The following NCOR1 variants were observed in gnomAD, a reference collection of about 807,000 sequenced individuals.
The protein encoded by NCOR1 is protein phosphatase 1, regulatory subunit 109.
In NCOR1, 63 loss-of-function variants were observed where a neutral mutation model predicts 288.1. The ratio of observed to expected loss-of-function variants is 0.22; its 90% CI spans 0.18 to 0.27. The LOEUF is 0.27. NCOR1 is among the 10% of genes least tolerant of loss of function. The probability of loss-of-function intolerance (pLI) is 1.00; values close to 1 mark genes in which losing one functional copy is unlikely to be tolerated. For synonymous variants in NCOR1, 1,007 were observed against 1,065.9 expected (o/e 0.94, Z 1.08); for missense variants, 2,397 against 3,019.2 (o/e 0.79, Z 4.83).
At position 16,049,213 on chromosome 17, in the gene NCOR1, G is replaced by A. The variant is rs187444132; in HGVS notation, c.6393-225C>T. 4.3e-3 allele frequency: 1,416 copies of A among 327,426 alleles called. 8 individuals are homozygous for A. The highest frequency in any genetic ancestry group is 6.8e-3 in the Middle Eastern group (8 of 1,176). The allele number at this position is 327,426 out of a possible 1,614,324, so 20.3% of individuals were successfully genotyped here. A position where few individuals can be genotyped will look rare whatever the true frequency, so the allele number is the denominator to read the frequency against. ...CTGCCACTTGACCCATGCGCGCCCC[G>A]TGGATCCAGGAGTCACGTCATCAGA... On this transcript the variant is annotated intron_variant, in intron 40 of 45. Coordinates refer to ENST00000268712, the MANE Select transcript of NCOR1 (RefSeq NM_006311.4).
chr17:16,149,500 T>G lies in NCOR1; in HGVS notation c.860A>C (p.Lys287Thr). 6.4e-7 allele frequency: 1 copy of G among 1,551,322 alleles called. No homozygotes were observed. Among genetic ancestry groups the G allele is most frequent in the South Asian group, 1.2e-5 (1 of 85,622 alleles). The change falls in exon 9 of 46, where the codon AAA becomes ACA. Residue 287 changes from lysine to threonine, a missense_variant. Coordinates refer to ENST00000268712, the MANE Select transcript of NCOR1 (RefSeq NM_006311.4). ...ENIKTNQVMR[K>T]KLILFFKRRN... ...TCTTTTAAAAAATAAAATGAGTTTT[T>G]TCCTCATCACCTGGTTTCTAGAAGA...
intron 4 of NCOR1, among the ~76,000 whole-genome samples, chr17:16,168,796 C>A (rs370576270): frequency 1.2e-3 from 177 of 151,922 alleles, no homozygotes; most frequent in Middle Eastern, 3.4e-3. Context: ...CATGGTGAAA[C>A]CTCGTCTCCA....
At position 16,032,428 on chromosome 17, in the gene NCOR1, T is replaced by C. The variant is rs1972211564; in HGVS notation, c.7191A>G (p.Pro2397=). 6.2e-7 allele frequency: 1 copy of C among 1,613,808 alleles called. No homozygotes were observed. The highest frequency in any genetic ancestry group is 1.3e-5 in the African/African-American group (1 of 74,912). ...PLTMRMLSST[P]PTPIACAPSA... Reference sequence around the variant, plus strand: ...AGGGAGCACATGCAATCGGTGTTGGTGGAGTACTGCTGAGCATCCGCATAG... The same window carrying C: ...AGGGAGCACATGCAATCGGTGTTGGCGGAGTACTGCTGAGCATCCGCATAG... Residue 2397 remains proline (P), a synonymous_variant, in exon 46 of 46, where the codon CCA becomes CCG. Coordinates refer to ENST00000268712, the MANE Select transcript of NCOR1 (RefSeq NM_006311.4).
chr17:16,107,130 C>T lies in NCOR1; in HGVS notation c.2182+1656G>A, dbSNP rs141151061. On this transcript the variant is annotated intron_variant, in intron 19 of 45. Coordinates refer to ENST00000268712, the MANE Select transcript of NCOR1 (RefSeq NM_006311.4). ...CAGGATGGTCTCAATCTCCTGACAT[C>T]GTGTTCCGCCCTCCTGGGCCTCCCC... is the stretch of plus-strand genomic sequence containing the variant. 2.6e-5 allele frequency among the ~76,000 whole-genome samples: 4 copies of T among 151,808 alleles called. No homozygotes were observed. The East Asian group carries it at 7.8e-4, about 30-fold the overall frequency.
chr17:16,062,635 G>C (rs113489094), intron 35 of NCOR1, among the ~76,000 whole-genome samples: 8 of 152,278 alleles, frequency 5.3e-5, no homozygotes, highest in African/African-American at 1.9e-4. Context: ...GTGTGTATAT[G>C]ATTTCCAAAA....
In NCOR1 at chr17:16,030,487, G is replaced by A. The variant is rs1971820119; in HGVS notation, c.*1809C>T. The stretch of plus-strand genomic sequence containing the variant: ...ATTAACAAACTCTAAAATATTACCA[G>A]TACCTGAAAAAAAAAAATTCAGCAG... On this transcript the variant is annotated 3_prime_UTR_variant, in exon 46 of 46. Transcript: ENST00000268712. 4 of 200,150 alleles carry A rather than the reference G, an allele frequency of 2.0e-5. 1 individual carries two copies. The highest frequency in any genetic ancestry group is 1.8e-4 in the Admixed American group (3 of 16,550). 12.4% of individuals were successfully genotyped at this position (200,150 alleles called of 1,614,324 possible).
At position 16,093,899 on chromosome 17, in the gene NCOR1, G is replaced by A. The variant is rs113040515; in HGVS notation, c.2821-1841C>T. Among the ~76,000 whole-genome samples the A allele has an allele frequency of 5.7e-4, 87 of 151,904 alleles. 1 individual carries two copies. Among genetic ancestry groups the A allele is most frequent in the African/African-American group, 2.0e-3 (83 of 41,384 alleles). On this transcript the variant is annotated intron_variant, in intron 21 of 45. Coordinates refer to ENST00000268712, the MANE Select transcript of NCOR1 (RefSeq NM_006311.4). ...CATTTTAATTCATTTTAACCTTTAC[G>A]ATAATTTTTTTTAATGCCTTTTTTT...
At chr17:16,063,536 G>A (rs974163565) in intron 35 of NCOR1, among the ~76,000 whole-genome samples, 16 of 152,088 alleles carry the variant, frequency 1.1e-4, no homozygotes, top group African/African-American at 3.6e-4. Flanking sequence ...CTAGACAAAA[G>A]AGTATTTAAA....
chr17:16,056,241 T>G (rs2059899554), intron 40 of NCOR1, among the ~76,000 whole-genome samples: 1 of 152,052 alleles, frequency 6.6e-6, no homozygotes, highest in East Asian at 1.9e-4. Context: ...GTCCTCTATG[T>G]CTTCAGGTAT....
At chr17:16,138,411 C>T (rs552660664) in intron 12 of NCOR1, among the ~76,000 whole-genome samples, 199 bp from the exon 13 acceptor site, 2 of 152,206 alleles carry the variant, frequency 1.3e-5, no homozygotes, top group Non-Finnish European at 2.9e-5. Context: ...ATGGCAGAAC[C>T]CCATCTCTAC....
chr17:16,043,168 A>G (rs530916053), intron 42 of NCOR1, among the ~76,000 whole-genome samples: 1 of 152,336 alleles, frequency 6.6e-6, no homozygotes, highest in South Asian at 2.1e-4. Flanking sequence ...AAAAGCTGCA[A>G]AGAGATCCAA....
chr17:16,124,322 C>T (rs1045199098), intron 15 of NCOR1, among the ~76,000 whole-genome samples: 2 of 151,958 alleles, frequency 1.3e-5, no homozygotes, highest in African/African-American at 2.4e-5. Flanking sequence ...GCCATACATA[C>T]TGTATGATTT....
At chr17:16,206,294 TCACACA>T (rs529936121) in intron 1 of NCOR1, among the ~76,000 whole-genome samples, 1 of 147,988 alleles carries the variant, frequency 6.8e-6, no homozygotes, top group Non-Finnish European at 1.5e-5. Context: ...GCATAAATAT[TCACACA>T]CACACACACA....
At chr17:16,176,087 C>T (rs1353110767) in intron 3 of NCOR1, among the ~76,000 whole-genome samples, 1 of 151,958 alleles carries the variant, frequency 6.6e-6, no homozygotes, top group African/African-American at 2.4e-5. Context: ...GGTATGGGGG[C>T]ACATGCCCGT....
At chr17:16,086,464 G>T (rs1456829168) in intron 22 of NCOR1, 22 bp from the exon 23 acceptor site, 17 of 1,598,150 alleles carry the variant, frequency 1.1e-5, no homozygotes, top group Non-Finnish European at 1.4e-5. Flanking sequence ...AAAGAAAAAT[G>T]ATTTTAAACT....
intron 40 of NCOR1, 30 bp from the exon 41 acceptor site, chr17:16,049,018 G>A (rs775244760): frequency 1.3e-6 from 2 of 1,560,712 alleles, no homozygotes; most frequent in South Asian, 2.4e-5. Context: ...ATTAGATTGT[G>A]TTTCAAAGGC....
chr17:16,140,997 C>CA (rs372397821), intron 11 of NCOR1, among the ~76,000 whole-genome samples: 2,700 of 113,604 alleles, frequency 0.024, 99 homozygotes, highest in African/African-American at 0.076. Flanking sequence ...TCTCCTATCT[C>CA]AAAAAAAAAA....
chr17:16,038,938 T>C (rs2057011092), intron 44 of NCOR1, among the ~76,000 whole-genome samples: 1 of 152,118 alleles, frequency 6.6e-6, no homozygotes, highest in African/African-American at 2.4e-5. Context: ...GCCCAGCTAA[T>C]TTTTGTATTT....
intron 31 of NCOR1, among the ~76,000 whole-genome samples, chr17:16,068,686 A>ATG (rs947869414): frequency 6.7e-6 from 1 of 150,134 alleles, no homozygotes; most frequent in African/African-American, 2.5e-5. Context: ...ATAAATATAT[A>ATG]TTCAAACACT....
Sources: gnomAD v4.1 joint callset for allele counts (sites outside exome capture counted in the v4.1 genomes callset) on GRCh38, gnomAD v4.1.1 for gene constraint, MANE v1.5 for transcripts, NCBI Gene and HGNC (gene_info 2026-07-23, HGNC 2026-07-21) for gene names.